Variants in LCN9 observed in about 807,000 individuals in gnomAD.
The protein encoded by LCN9 is lipocalin 9, also known as epididymal-specific lipocalin-9.
A neutral mutation model predicts 18.5 loss-of-function variants in LCN9; 22 were observed. The observed-to-expected ratio is 1.19, with a 90% CI of 0.85 to 1.70. The LOEUF is 1.70. Among genes scored for constraint, LCN9 ranks in the 40% most tolerant of loss-of-function variants. The pLI is 0.00. For synonymous variants in LCN9, 89 were observed against 83.0 expected, an observed-to-expected ratio of 1.07 and a Z score of -0.39; for missense variants, 202 against 201.3, an observed-to-expected ratio of 1.00 and a Z score of -0.02.
Position 135,664,069 on chromosome 9 carries a change from A to G in LCN9, c.97-93A>G, listed in dbSNP as rs1834173277. 2.1e-6 allele frequency: 3 copies of G among 1,399,738 alleles called. No homozygotes were observed. The allele number at this position is 1,399,738 out of a possible 1,614,324, so 86.7% of individuals were successfully genotyped here. ...GGGTTCTGGTTGGGAGCCAGATGCT[A>G]AGGGGCCGGGCCCTGGGAGGGAAGA... On this transcript the variant is annotated intron_variant, in intron 1 of 5. Coordinates refer to ENST00000619315, the Ensembl canonical transcript of LCN9. The surrounding 1 kb of genome is among the most constrained non-coding windows in gnomAD (Gnocchi z 4.5).
chr9:135,663,469 T>C (rs376181978), intron 1 of LCN9, 52 bp downstream of exon 1: 51 of 1,533,384 alleles, frequency 3.3e-5, no homozygotes, highest in African/African-American at 9.6e-5. Context: ...AAGGCACCTG[T>C]CTTCCCCCAG....
At position 135,665,422 on chromosome 9, in the gene LCN9, G is replaced by C; in HGVS notation, c.418+67G>C. 4.7e-6 allele frequency: 6 copies of C among 1,277,544 alleles called. No individual in the cohort carries two copies. The highest frequency in any genetic ancestry group is 6.7e-6 in the Non-Finnish European group (6 of 899,908). 79.1% of individuals were successfully genotyped at this position (1,277,544 alleles called of 1,614,324 possible). ...CTCCTCTGAAGTCCGGCCCAACCCT[G>C]GGCGGAGGAGGGTCTCGCAGTGGCC... On this transcript the variant is annotated intron_variant, in intron 4 of 5. Coordinates refer to ENST00000619315, the Ensembl canonical transcript of LCN9. The surrounding 1 kb of genome is among the most constrained non-coding windows in gnomAD (Gnocchi z 5.9).
At position 135,664,618 on chromosome 9, in the gene LCN9, G is replaced by C; in HGVS notation, c.234-104G>C. 2 of 1,044,720 alleles carry C rather than the reference G, an allele frequency of 1.9e-6. No homozygotes were observed. Among genetic ancestry groups the C allele is most frequent in the Non-Finnish European group, 2.8e-6 (2 of 726,930 alleles). 64.7% of individuals were successfully genotyped at this position (1,044,720 alleles called of 1,614,324 possible). A position where few individuals can be genotyped will look rare whatever the true frequency, so the allele number is the denominator to read the frequency against. On this transcript the variant is annotated intron_variant, in intron 2 of 5. Transcript: ENST00000619315. This position sits in a 1 kb window ranked among gnomAD's most constrained non-coding sequence, Gnocchi z 4.5. ...CTTGGGGCTGTGGAATGAGGCCTGGGCATTGGGAGGGTGAGCCTGTGCCCT... is the reference window on the plus strand; with the variant it reads ...CTTGGGGCTGTGGAATGAGGCCTGGCCATTGGGAGGGTGAGCCTGTGCCCT...
chr9:135,664,188 C>T lies in LCN9; in HGVS notation c.123C>T (p.Phe41=). 15 of 1,593,100 alleles carry T rather than the reference C, an allele frequency of 9.4e-6. No homozygotes were observed. Among genetic ancestry groups the T allele is most frequent in the Non-Finnish European group, 1.3e-5 (15 of 1,165,672 alleles). ...TTTCAGGGGTCTGGTATTCTATTTT[C>T]ATGGCCTCAGATGACCTGAATCGGA... The change falls in exon 2 of 6, where the codon TTC becomes TTT. Residue 41 remains phenylalanine, a synonymous_variant. Transcript: ENST00000619315. This position sits in a 1 kb window ranked among gnomAD's most constrained non-coding sequence, Gnocchi z 4.5.
At position 135,665,279 on chromosome 9, in the gene LCN9, T is replaced by C. The variant is rs575312352; in HGVS notation, c.342T>C (p.Thr114=). The C allele has an allele frequency of 6.2e-7, 1 of 1,605,290 alleles. No individual in the cohort carries two copies. Among genetic ancestry groups the C allele is most frequent in the East Asian group, 2.2e-5 (1 of 44,506 alleles). The change falls in exon 4 of 6, where the codon ACT becomes ACC. Residue 114 remains threonine, a synonymous_variant. Coordinates refer to ENST00000619315, the Ensembl canonical transcript of LCN9. The surrounding 1 kb of genome is among the most constrained non-coding windows in gnomAD (Gnocchi z 5.9). The stretch of plus-strand genomic sequence containing the variant: ...AGAACACAGTGGCCGTCTCGGAGAC[T>C]GACTACAGGCTGTTCATCACCTTCC...
Position 135,664,907 on chromosome 9 carries a change from C to T in LCN9, c.307+112C>T, listed in dbSNP as rs1039766131. 5.2e-6 allele frequency: 6 copies of T among 1,154,756 alleles called. No homozygotes were observed. In the Admixed American group the frequency reaches 9.8e-5, roughly 19 times the overall value. 71.5% of individuals were successfully genotyped at this position (1,154,756 alleles called of 1,614,324 possible). ...CTGGGGATTTTAGTTAAGCCCCTGA[C>T]AGCTTGACCCTGAACTGGAGGGACC... On this transcript the variant is annotated intron_variant, in intron 3 of 5. Transcript: ENST00000619315. The surrounding 1 kb of genome is among the most constrained non-coding windows in gnomAD (Gnocchi z 4.5).
In LCN9 at chr9:135,664,195, T is replaced by C. The variant is rs773428643; in HGVS notation, c.130T>C (p.Ser44Pro). 6.2e-7 allele frequency: 1 copy of C among 1,613,658 alleles called. No individual in the cohort carries two copies. The highest frequency in any genetic ancestry group is 1.1e-5 in the South Asian group (1 of 91,060). ...GGTCTGGTATTCTATTTTCATGGCC[T>C]CAGATGACCTGAATCGGATTAAAGA... is the stretch of plus-strand genomic sequence containing the variant. The change falls in exon 2 of 6, where the codon TCA becomes CCA. Residue 44 changes from serine (S) to proline (P), a missense_variant. Ser to Pro is a moderately conservative substitution (Grantham distance 74). Transcript: ENST00000619315. The surrounding 1 kb of genome is among the most constrained non-coding windows in gnomAD (Gnocchi z 4.5).
At position 135,665,196 on chromosome 9, in the gene LCN9, A is replaced by T. The variant is rs1416653828; in HGVS notation, c.308-49A>T. 7.8e-7 allele frequency: 1 copy of T among 1,284,498 alleles called. No individual in the cohort carries two copies. The highest frequency in any genetic ancestry group is 1.3e-5 in the South Asian group (1 of 78,930). The allele number at this position is 1,284,498 out of a possible 1,614,324, so 79.6% of individuals were successfully genotyped here. A position where few individuals can be genotyped will look rare whatever the true frequency, so the allele number is the denominator to read the frequency against. On this transcript the variant is annotated intron_variant, in intron 3 of 5. Transcript: ENST00000619315. This position sits in a 1 kb window ranked among gnomAD's most constrained non-coding sequence, Gnocchi z 5.9. Reference sequence around the variant, plus strand: ...GCGGCCACACAGCACGTGTCACAGGACCCTGAGGGTGGCGGGGCCAGGCCA... The same window carrying T: ...GCGGCCACACAGCACGTGTCACAGGTCCCTGAGGGTGGCGGGGCCAGGCCA...
rs1442858869 is a variant in LCN9, at chr9:135,664,720, AG to A, written c.235del. ...CCCGGCATCTTCCTGGCTGGCTTCC[AG>A]GGTGCAGGGGGAGTGTGTGGCTGTG... On this transcript the variant is annotated splice_acceptor_variant, in intron 2 of 5. Transcript: ENST00000619315. LOFTEE classifies it high-confidence loss of function. The surrounding 1 kb of genome is among the most constrained non-coding windows in gnomAD (Gnocchi z 4.5). 6.3e-7 allele frequency: 1 copy of A among 1,582,428 alleles called. No individual in the cohort carries two copies. Among genetic ancestry groups the A allele is most frequent in the South Asian group, 1.2e-5 (1 of 85,688 alleles).
exon 6 of LCN9, among the ~76,000 whole-genome samples, chr9:135,666,597 C>T (rs571756): frequency 0.063 from 9,652 of 152,114 alleles, 376 homozygotes; most frequent in African/African-American, 0.12. Flanking sequence ...AGTAAAAACC[C>T]CCAGGGCCCC....
Position 135,663,401 on chromosome 9 carries a change from AC to A in LCN9, c.81del (p.Tyr28ThrfsTer20). 1 of 1,613,856 alleles carries A rather than the reference AC, an allele frequency of 6.2e-7. No homozygotes were observed. The highest frequency in any genetic ancestry group is 8.5e-7 in the Non-Finnish European group (1 of 1,179,806). On this transcript the variant is annotated frameshift_variant, in exon 1 of 6. Coordinates refer to ENST00000619315, the Ensembl canonical transcript of LCN9. LOFTEE classifies it high-confidence loss of function. Reference sequence around the variant, plus strand: ...GATCCCCACACCGTTATGCAGAGGAACTACAACGTGGCCAGGGTGTGTCTGC... The same window carrying A: ...GATCCCCACACCGTTATGCAGAGGAATACAACGTGGCCAGGGTGTGTCTGC...
rs559117027 is a variant in LCN9 at position 135,664,076 on chromosome 9, C to A, written c.97-86C>A. On this transcript the variant is annotated intron_variant, in intron 1 of 5. Coordinates refer to ENST00000619315, the Ensembl canonical transcript of LCN9. The surrounding 1 kb of genome is among the most constrained non-coding windows in gnomAD (Gnocchi z 4.5). ...GGTTGGGAGCCAGATGCTAAGGGGCCGGGCCCTGGGAGGGAAGACTGTGGG... is the reference window on the plus strand; with the variant it reads ...GGTTGGGAGCCAGATGCTAAGGGGCAGGGCCCTGGGAGGGAAGACTGTGGG... The A allele has an allele frequency of 4.8e-6, 7 of 1,448,456 alleles. No homozygotes were observed. The highest frequency in any genetic ancestry group is 5.6e-6 in the Non-Finnish European group (6 of 1,066,210). The allele number at this position is 1,448,456 out of a possible 1,614,324, so 89.7% of individuals were successfully genotyped here.
chr9:135,666,732 G>A (rs1036041977), exon 6 of LCN9, among the ~76,000 whole-genome samples: 11 of 152,178 alleles, frequency 7.2e-5, no homozygotes, highest in African/African-American at 1.2e-4. Flanking sequence ...CCCAAGATGC[G>A]GGTGAGATGA....
Position 135,665,074 on chromosome 9 carries a change from C to G in LCN9, c.308-171C>G. 1.6e-6 allele frequency: 1 copy of G among 638,584 alleles called. No individual in the cohort carries two copies. The highest frequency in any genetic ancestry group is 2.8e-6 in the Non-Finnish European group (1 of 359,314). 39.6% of individuals were successfully genotyped at this position (638,584 alleles called of 1,614,324 possible). A position where few individuals can be genotyped will look rare whatever the true frequency, so the allele number is the denominator to read the frequency against. On this transcript the variant is annotated intron_variant, in intron 3 of 5. Transcript: ENST00000619315. This position sits in a 1 kb window ranked among gnomAD's most constrained non-coding sequence, Gnocchi z 5.9. ...GACAAGGAGGGAGGGGGCTGTGCCGCTGCTGCCCGCCCCCTGTGCAGGGGT... is the reference window on the plus strand; with the variant it reads ...GACAAGGAGGGAGGGGGCTGTGCCGGTGCTGCCCGCCCCCTGTGCAGGGGT...
exon 1 of LCN9, chr9:135,663,322 A>G: frequency 6.2e-7 from 1 of 1,612,328 alleles, no homozygotes; most frequent in Non-Finnish European, 8.5e-7. Context: ...CACGGCAAAG[A>G]TGGCTCTGCT....
At position 135,665,341 on chromosome 9, in the gene LCN9, C is replaced by G. The variant is rs533723011; in HGVS notation, c.404C>G (p.Thr135Arg). 3.8e-6 allele frequency: 6 copies of G among 1,599,940 alleles called. No homozygotes were observed. The highest frequency in any genetic ancestry group is 5.1e-6 in the Non-Finnish European group (6 of 1,173,506). The change falls in exon 4 of 6, where the codon ACG becomes AGG. Residue 135 changes from threonine (T) to arginine (R), a missense_variant. Transcript: ENST00000619315. The surrounding 1 kb of genome is among the most constrained non-coding windows in gnomAD (Gnocchi z 5.9). ...TTCAGGAACGGGACCGAGACCCACACGCTGGCGCTCTATGGTACCTCCGCT... is the reference window on the plus strand; with the variant it reads ...TTCAGGAACGGGACCGAGACCCACAGGCTGGCGCTCTATGGTACCTCCGCT...
Position 135,664,850 on chromosome 9 carries a change from G to A in LCN9, c.307+55G>A, listed in dbSNP as rs1379936074. The A allele has an allele frequency of 1.3e-6, 2 of 1,510,374 alleles. No individual in the cohort carries two copies. Among genetic ancestry groups the A allele is most frequent in the African/African-American group, 1.4e-5 (1 of 71,860 alleles). The allele number at this position is 1,510,374 out of a possible 1,614,324, so 93.6% of individuals were successfully genotyped here. On this transcript the variant is annotated intron_variant, in intron 3 of 5. Coordinates refer to ENST00000619315, the Ensembl canonical transcript of LCN9. The surrounding 1 kb of genome is among the most constrained non-coding windows in gnomAD (Gnocchi z 4.5). ...CACAGTCGGGGGTCTCCTTTCTCCA[G>A]GGCCTGGGCCATATTCTGGTGAGCA...
chr9:135,663,534 C>T, intron 1 of LCN9, 117 bp downstream of exon 1: 2 of 813,006 alleles, frequency 2.5e-6, no homozygotes, highest in Admixed American at 2.1e-5. Flanking sequence ...GCCCACCTCT[C>T]CTCCCCAAGC....
exon 6 of LCN9, chr9:135,666,302 C>G: frequency 3.1e-6 from 2 of 644,932 alleles, no homozygotes; most frequent in Non-Finnish European, 5.2e-6. Context: ...GCTGGGGGCT[C>G]CAGGCATCCC....
Sources: gnomAD v4.1 joint callset for allele counts (sites outside exome capture counted in the v4.1 genomes callset) on GRCh38, gnomAD v4.1.1 for gene constraint, Gnocchi (gnomAD v3.1) non-coding constraint, MANE v1.5 for transcripts, NCBI Gene and HGNC (gene_info 2026-07-23, HGNC 2026-07-21) for gene names.